CHL1: variants seen among roughly 807,000 people sequenced by gnomAD.
The protein encoded by CHL1 is neural cell adhesion molecule L1-like protein.
In CHL1, 96 loss-of-function variants were observed where a neutral mutation model predicts 141.9. The ratio of observed to expected loss-of-function variants is 0.68; its 90% CI spans 0.57 to 0.80. The LOEUF is 0.80. CHL1 is among the 30% of genes least tolerant of loss of function. The pLI, the probability that CHL1 is intolerant of heterozygous loss-of-function variation, is 0.00. For missense variants in CHL1, 1,820 were observed against 1,457.2 expected, an observed-to-expected ratio of 1.25 and a Z score of -4.05; for synonymous variants, 613 against 502.2, an observed-to-expected ratio of 1.22 and a Z score of -2.95.
chr3:386,195 A>T (rs1707692072), intron 19 of CHL1, among the ~76,000 whole-genome samples: 1 of 120,440 alleles, frequency 8.3e-6, no homozygotes, highest in Non-Finnish European at 1.7e-5. Flanking sequence ...TAATGGTCAG[A>T]GGGACATAAT....
chr3:397,613 TCTA>T (rs1039145726), intron 24 of CHL1, among the ~76,000 whole-genome samples: 23 of 152,246 alleles, frequency 1.5e-4, no homozygotes, highest in African/African-American at 5.1e-4. Context: ...ACTATGAGAT[TCTA>T]CTATTAACAT....
At chr3:337,976 A>T (rs1196581071) in intron 5 of CHL1, among the ~76,000 whole-genome samples, 1 of 152,208 alleles carries the variant, frequency 6.6e-6, no homozygotes, top group African/African-American at 2.4e-5. Flanking sequence ...ACCAGTTTAC[A>T]GTCCCACCAA....
At chr3:328,038 A>G (rs1472875299) in intron 4 of CHL1, 129 bp from the exon 5 acceptor site, 2 of 560,790 alleles carry the variant, frequency 3.6e-6, no homozygotes, top group Non-Finnish European at 3.0e-6. Flanking sequence ...ATATCCTGTT[A>G]TATTCCATTA....
In CHL1 at chr3:203,855, G is replaced by T. The variant is rs568819242; in HGVS notation, c.-175+6792G>T. Among the ~76,000 whole-genome samples the T allele has an allele frequency of 2.0e-5, 3 of 152,354 alleles. No homozygotes were observed. The East Asian group carries it at 5.8e-4, about 29-fold the overall frequency. On this transcript the variant is annotated intron_variant, in intron 1 of 27. Transcript: ENST00000256509. ...TCTCCCAGAGCAGAGCAGGATGGAGGAAGGCAGAAAAGGGATCTGAATCTG... is the reference window on the plus strand; with the variant it reads ...TCTCCCAGAGCAGAGCAGGATGGAGTAAGGCAGAAAAGGGATCTGAATCTG...
At chr3:383,420 A>G (rs545261241) in intron 18 of CHL1, among the ~76,000 whole-genome samples, 12 of 152,312 alleles carry the variant, frequency 7.9e-5, no homozygotes, top group African/African-American at 2.9e-4. Flanking sequence ...ATTCTTCTAC[A>G]GGCAAATATT....
intron 2 of CHL1, among the ~76,000 whole-genome samples, chr3:251,401 C>G (rs561210558): frequency 4.6e-5 from 7 of 152,248 alleles, no homozygotes; most frequent in African/African-American, 1.4e-4. Context: ...TAGTCAACCT[C>G]TCTGAACCTG....
intron 2 of CHL1, among the ~76,000 whole-genome samples, chr3:277,597 C>T (rs1009064589): frequency 1.3e-5 from 2 of 152,086 alleles, no homozygotes. Context: ...GGATTTATTT[C>T]TCTTACCTTA....
In CHL1 at chr3:340,781, T is replaced by C. The variant is rs751433688; in HGVS notation, c.386-13T>C. On this transcript the variant is annotated splice_polypyrimidine_tract_variant and intron_variant, in intron 5 of 27. Coordinates refer to ENST00000256509, the MANE Select transcript of CHL1 (RefSeq NM_006614.4). ...ATTTTAAAATAACACATTAAAATGA[T>C]TTTTTACACCAGGTGTTCCAAAATT... 3.8e-6 allele frequency: 6 copies of C among 1,595,230 alleles called. No homozygotes were observed. The highest frequency in any genetic ancestry group is 2.2e-5 in the East Asian group (1 of 44,752).
chr3:230,084 G>T (rs1486531735), intron 1 of CHL1, among the ~76,000 whole-genome samples: 1 of 152,154 alleles, frequency 6.6e-6, no homozygotes, highest in African/African-American at 2.4e-5. Flanking sequence ...GTGACAAACT[G>T]GCCCCCACTG....
chr3:242,323 G>A (rs533428047), intron 1 of CHL1, among the ~76,000 whole-genome samples: 76 of 134,908 alleles, frequency 5.6e-4, no homozygotes, highest in South Asian at 9.2e-4. Flanking sequence ...CTGGCTGAGC[G>A]CGGTGGCTCA....
intron 5 of CHL1, among the ~76,000 whole-genome samples, chr3:333,597 G>A (rs559743871): frequency 2.0e-5 from 3 of 152,114 alleles, no homozygotes; most frequent in Admixed American, 6.5e-5. Flanking sequence ...TCCAAGACAT[G>A]GCACAGGGAT....
At chr3:356,397 G>A (rs560135322) in intron 11 of CHL1, among the ~76,000 whole-genome samples, 27 of 152,212 alleles carry the variant, frequency 1.8e-4, no homozygotes, top group Non-Finnish European at 2.8e-4. Context: ...TAACTGATTC[G>A]TTCATTCAAT....
At chr3:285,709 T>C (rs1697064357) in intron 2 of CHL1, among the ~76,000 whole-genome samples, 1 of 152,226 alleles carries the variant, frequency 6.6e-6, no homozygotes, top group African/African-American at 2.4e-5. Flanking sequence ...ATGTATAATA[T>C]GCACATTACA....
At chr3:205,108 T>C (rs202049469) in intron 1 of CHL1, among the ~76,000 whole-genome samples, 1 of 72,378 alleles carries the variant, frequency 1.4e-5, no homozygotes. Flanking sequence ...TTCTTTCTTT[T>C]TTTTTTTTTT....
chr3:234,049 A>G (rs1012829945), intron 1 of CHL1, among the ~76,000 whole-genome samples: 43 of 152,066 alleles, frequency 2.8e-4, no homozygotes, highest in Non-Finnish European at 5.6e-4. Flanking sequence ...TACGTATGTA[A>G]TGTATTCATA....
intron 2 of CHL1, among the ~76,000 whole-genome samples, chr3:307,874 T>G (rs574848301): frequency 6.6e-6 from 1 of 152,258 alleles, no homozygotes; most frequent in Non-Finnish European, 1.5e-5. Context: ...CAGTAGCCTC[T>G]ACATTACCAC....
intron 1 of CHL1, among the ~76,000 whole-genome samples, chr3:236,841 G>T (rs1692033843): frequency 6.9e-6 from 1 of 144,534 alleles, no homozygotes; most frequent in Non-Finnish European, 1.5e-5. Context: ...ACCTCCTTCA[G>T]TCCCATTATT....
Position 361,769 on chromosome 3 carries a change from A to G in CHL1, c.1377A>G (p.Leu459=). Residue 459 remains leucine (L), a synonymous_variant, in exon 13 of 28, where the codon TTA becomes TTG. Coordinates refer to ENST00000256509, the MANE Select transcript of CHL1 (RefSeq NM_006614.4). Reference sequence around the variant, plus strand: ...CAGTGGTTGGGTACAGTGCTTTCTTACATTGCGAGTTCTTTGCTTCACCTG... The same window carrying G: ...CAGTGGTTGGGTACAGTGCTTTCTTGCATTGCGAGTTCTTTGCTTCACCTG... The part of the protein sequence containing the change: ...YATVVGYSAF[L]HCEFFASPEA... 3 of 1,613,690 alleles carry G rather than the reference A, an allele frequency of 1.9e-6. No homozygotes were observed. Among genetic ancestry groups the G allele is most frequent in the Non-Finnish European group, 2.5e-6 (3 of 1,179,630 alleles).
chr3:379,520 G>T (rs967646838), intron 16 of CHL1, among the ~76,000 whole-genome samples: 2 of 152,068 alleles, frequency 1.3e-5, no homozygotes, highest in Admixed American at 1.3e-4. Context: ...GAGTAGAGGG[G>T]TAAGTGTCAG....
Sources: gnomAD v4.1 joint callset for allele counts (sites outside exome capture counted in the v4.1 genomes callset) on GRCh38, gnomAD v4.1.1 for gene constraint, MANE v1.5 for transcripts, NCBI Gene and HGNC (gene_info 2026-07-23, HGNC 2026-07-21) for gene names.